Variants in PRKG1 observed in about 807,000 individuals in gnomAD.
PRKG1 encodes cGMP-dependent protein kinase 1.
Under a neutral mutation model 88.1 loss-of-function variants are expected in PRKG1, and 35 were observed. The ratio of observed to expected loss-of-function variants is 0.40; its 90% confidence interval spans 0.30 to 0.53. PRKG1 has a LOEUF of 0.53. PRKG1 is among the 20% of genes least tolerant of loss of function. The pLI is 0.59. For synonymous variants in PRKG1, 303 were observed against 292.5 expected, an observed-to-expected ratio of 1.04 and a Z score of -0.37; for missense variants, 540 against 839.8, an observed-to-expected ratio of 0.64 and a Z score of 4.41.
At chr10:52,088,985 G>A (rs1846984793) in intron 7 of PRKG1, among the ~76,000 whole-genome samples, 1 of 152,072 alleles carries the variant, frequency 6.6e-6, no homozygotes, top group Non-Finnish European at 1.5e-5. Context: ...TATTTCAGAT[G>A]TATTTCTGTA....
rs56746938 is a variant in PRKG1 at position 51,079,679 on chromosome 10, T to TTGTGTGTGTGTG, written c.311+4792_311+4803dup. Among the ~76,000 whole-genome samples, 62 of 150,282 alleles carry TTGTGTGTGTGTG rather than the reference T, an allele frequency of 4.1e-4. No individual in the cohort carries two copies. In the East Asian group the frequency reaches 7.5e-3, roughly 18 times the overall value. On this transcript the variant is annotated intron_variant, in intron 1 of 17. Transcript: ENST00000373980. ...GGGTTTTAGAATAGCTAAGGCTCAT[T>TTGTGTGTGTGTG]TGTGTGTGTGTGTGTGTGTGTGTGT...
At chr10:51,156,104 A>G (rs1283640640) in intron 2 of PRKG1, among the ~76,000 whole-genome samples, 2 of 151,934 alleles carry the variant, frequency 1.3e-5, no homozygotes, top group African/African-American at 2.4e-5. Context: ...TACAGCTGCA[A>G]ATTTACTAAC....
chr10:52,056,619 T>A (rs1327602368), intron 6 of PRKG1, among the ~76,000 whole-genome samples: 1 of 152,172 alleles, frequency 6.6e-6, no homozygotes, highest in Non-Finnish European at 1.5e-5. Context: ...GAAGTAGTAC[T>A]AATATATTAG....
intron 9 of PRKG1, among the ~76,000 whole-genome samples, chr10:52,200,310 A>G (rs1255265784): frequency 6.6e-6 from 1 of 152,038 alleles, no homozygotes; most frequent in Non-Finnish European, 1.5e-5. Flanking sequence ...AACAGGCAGT[A>G]TTTGGTTTTC....
intron 3 of PRKG1, among the ~76,000 whole-genome samples, chr10:51,642,740 A>G (rs1031555617): frequency 6.6e-6 from 1 of 152,226 alleles, no homozygotes; most frequent in Non-Finnish European, 1.5e-5. Flanking sequence ...ATAATTAACA[A>G]TGGGCTTATT....
At chr10:51,585,311 T>C (rs1004514092) in intron 3 of PRKG1, among the ~76,000 whole-genome samples, 5 of 152,096 alleles carry the variant, frequency 3.3e-5, no homozygotes, top group African/African-American at 1.2e-4. Flanking sequence ...AAGAATAATA[T>C]TAATATTCAA....
At chr10:51,047,793 G>GA (rs59575410) in intron 1 of PRKG1, among the ~76,000 whole-genome samples, 8 of 151,818 alleles carry the variant, frequency 5.3e-5, no homozygotes, top group Non-Finnish European at 1.0e-4. Context: ...TATCAAAAAT[G>GA]AAAAAAACAA....
At chr10:51,690,210 T>C (rs1841102028) in intron 3 of PRKG1, among the ~76,000 whole-genome samples, 1 of 152,104 alleles carries the variant, frequency 6.6e-6, no homozygotes, top group African/African-American at 2.4e-5. Flanking sequence ...GACAGTACCA[T>C]GGGGGATGGT....
intron 1 of PRKG1, among the ~76,000 whole-genome samples, chr10:51,094,105 A>G (rs1213013968): frequency 1.3e-5 from 2 of 151,994 alleles, no homozygotes; most frequent in African/African-American, 2.4e-5. Context: ...GCTCTAAACT[A>G]CTAGGGGACA....
At chr10:51,947,361 T>C (rs989011748) in intron 5 of PRKG1, among the ~76,000 whole-genome samples, 7 of 152,106 alleles carry the variant, frequency 4.6e-5, no homozygotes, top group Non-Finnish European at 2.9e-5. Flanking sequence ...CCAGGTGCCG[T>C]CTGTCACCCC....
intron 3 of PRKG1, among the ~76,000 whole-genome samples, chr10:51,533,591 T>C (rs1842069709): frequency 7.0e-6 from 1 of 143,762 alleles, no homozygotes; most frequent in Non-Finnish European, 1.5e-5. Context: ...GTCACAGAAA[T>C]CAGCGAACAA....
At chr10:51,249,413 G>T (rs971166606) in intron 2 of PRKG1, among the ~76,000 whole-genome samples, 3 of 151,772 alleles carry the variant, frequency 2.0e-5, no homozygotes, top group African/African-American at 7.2e-5. Flanking sequence ...AAAATATGTA[G>T]AAAATATAAA....
chr10:51,463,818 G>A (rs1227916978), intron 2 of PRKG1, among the ~76,000 whole-genome samples: 1 of 152,182 alleles, frequency 6.6e-6, no homozygotes, highest in Non-Finnish European at 1.5e-5. Context: ...CTCTGAAAGA[G>A]CCCTCATTAA....
chr10:51,970,834 A>G (rs963724178), intron 5 of PRKG1, among the ~76,000 whole-genome samples: 4 of 146,438 alleles, frequency 2.7e-5, no homozygotes, highest in Admixed American at 6.9e-5. Flanking sequence ...TATATGTGAT[A>G]TATATATATA....
At chr10:51,415,910 A>AGTGTGTGTGTGTGTGT (rs71459419) in intron 2 of PRKG1, among the ~76,000 whole-genome samples, 13 of 147,128 alleles carry the variant, frequency 8.8e-5, no homozygotes, top group African/African-American at 3.0e-4. Flanking sequence ...TAGAGCTTCC[A>AGTGTGTGTGTGTGTGT]GTGTGTGTGT....
intron 7 of PRKG1, among the ~76,000 whole-genome samples, chr10:52,098,776 G>A (rs1419896659): frequency 6.6e-6 from 1 of 152,182 alleles, no homozygotes; most frequent in Non-Finnish European, 1.5e-5. Context: ...AGTGTTAGGA[G>A]GATGAGTAGC....
At position 51,919,362 on chromosome 10, in the gene PRKG1, C is replaced by T. The variant is rs377369000; in HGVS notation, c.762+11792C>T. ...GTGAGAAAGGATGTTCTGTTTGCCT[C>T]ATGTTCTACGTGTTCCCTTAATTAT... On this transcript the variant is annotated intron_variant, in intron 5 of 17. Transcript: ENST00000373980. Among the ~76,000 whole-genome samples the T allele has an allele frequency of 2.4e-3, 372 of 152,250 alleles. 2 individuals are homozygous for T. The highest frequency in any genetic ancestry group is 3.2e-3 in the Non-Finnish European group (221 of 68,018).
intron 6 of PRKG1, among the ~76,000 whole-genome samples, chr10:52,055,964 G>A (rs1173932104): frequency 1.3e-5 from 2 of 152,112 alleles, no homozygotes; most frequent in Admixed American, 6.6e-5. Context: ...GTATGCATAT[G>A]TCAGTATTTA....
At chr10:52,279,990 C>G (rs1444763009) in intron 12 of PRKG1, among the ~76,000 whole-genome samples, 1 of 151,690 alleles carries the variant, frequency 6.6e-6, no homozygotes, top group Non-Finnish European at 1.5e-5. Flanking sequence ...AAGGTTTTTT[C>G]TAAATTATTT....
Sources: gnomAD v4.1 joint callset for allele counts (sites outside exome capture counted in the v4.1 genomes callset) on GRCh38, gnomAD v4.1.1 for gene constraint, MANE v1.5 for transcripts, NCBI Gene and HGNC (gene_info 2026-07-23, HGNC 2026-07-21) for gene names.